Variants in GIT2 observed in about 807,000 individuals in gnomAD.
The protein encoded by GIT2 is ARF GTPase-activating protein GIT2.
In GIT2, 32 loss-of-function variants were observed where a neutral mutation model predicts 100.3. The observed-to-expected ratio is 0.32, with a 90% CI of 0.24 to 0.43. GIT2 has a LOEUF of 0.43. Ranked by LOEUF, GIT2 falls within the 20% of genes least tolerant of loss-of-function variation. The pLI, the probability that GIT2 is intolerant of heterozygous loss-of-function variation, is 1.00. For synonymous variants in GIT2, 353 were observed against 364.1 expected (o/e 0.97, Z 0.35); for missense variants, 737 against 975.1 (o/e 0.76, Z 3.25).
In GIT2 at chr12:109,983,492, G is replaced by A; in HGVS notation, c.504C>T (p.Asn168=). 1.9e-6 allele frequency: 3 copies of A among 1,613,644 alleles called. No individual in the cohort carries two copies. The highest frequency in any genetic ancestry group is 1.7e-6 in the Non-Finnish European group (2 of 1,179,640). The change falls in exon 6 of 20, where the codon AAC becomes AAT. Residue 168 remains asparagine (N), a synonymous_variant. Transcript: ENST00000355312. ...QANFFHPEKG[N]TPLHVASKAG... ...CTTTGGAGGCAACATGGAGTGGGGT[G>A]TTTCCTTTTTCCTAAGAATCATTAA...
Position 109,953,278 on chromosome 12 carries a change from G to C in GIT2, c.1100-44C>G, listed in dbSNP as rs866561101. The C allele has an allele frequency of 3.1e-6, 5 of 1,596,036 alleles. No homozygotes were observed. In the African/African-American group the frequency reaches 5.4e-5, roughly 17 times the overall value. On this transcript the variant is annotated intron_variant, in intron 12 of 19. Transcript: ENST00000355312. The stretch of plus-strand genomic sequence containing the variant: ...AACTTTACTTCAGGCTTAAAACATT[G>C]CTTTTCTTCCAAAAAACTACGGAGA...
At chr12:109,994,276 T>C (rs1202322440) in intron 1 of GIT2, among the ~76,000 whole-genome samples, 1 of 152,178 alleles carries the variant, frequency 6.6e-6, no homozygotes, top group East Asian at 1.9e-4. Flanking sequence ...TAAAAATGTT[T>C]GTATGAATGA....
chr12:109,936,590 A>G (rs1203916675), intron 18 of GIT2, among the ~76,000 whole-genome samples: 1 of 152,194 alleles, frequency 6.6e-6, no homozygotes, highest in Non-Finnish European at 1.5e-5. Flanking sequence ...AACTTTGGCC[A>G]AGCACGGTGG....
chr12:109,934,478 T>G lies in GIT2; in HGVS notation c.2004-393A>C, dbSNP rs187404948. ...AGTGAAAAATAAAGGACTGAAAAAA[T>G]TCCTTAAAATTAGAATTGGAGTCTC... On this transcript the variant is annotated intron_variant, in intron 18 of 19. Coordinates refer to ENST00000355312, the MANE Select transcript of GIT2 (RefSeq NM_057169.5). This position sits in a 1 kb window ranked among gnomAD's most constrained non-coding sequence, Gnocchi z 4.5. 1.3e-5 allele frequency among the ~76,000 whole-genome samples: 2 copies of G among 152,156 alleles called. No homozygotes were observed. Among genetic ancestry groups the G allele is most frequent in the African/African-American group, 4.8e-5 (2 of 41,434 alleles).
intron 9 of GIT2, among the ~76,000 whole-genome samples, chr12:109,964,834 G>A (rs996871897): frequency 5.3e-5 from 8 of 152,102 alleles, no homozygotes; most frequent in South Asian, 2.1e-4. Context: ...GAAGTGCCCC[G>A]GTGAGGCTTC....
intron 8 of GIT2, chr12:109,967,230 A>G: frequency 1.1e-6 from 1 of 896,050 alleles, no homozygotes; most frequent in South Asian, 1.5e-5. Context: ...AAACAGTGAC[A>G]ATATCACTGG....
intron 3 of GIT2, 92 bp downstream of exon 3, chr12:109,989,598 C>A: frequency 1.4e-6 from 1 of 716,132 alleles, no homozygotes; most frequent in South Asian, 1.6e-5. Context: ...CCTCTGCTGC[C>A]CTTGCGGAGA....
intron 7 of GIT2, among the ~76,000 whole-genome samples, chr12:109,975,640 G>A (rs1593098614): frequency 6.6e-6 from 1 of 151,472 alleles, no homozygotes; most frequent in Non-Finnish European, 1.5e-5. Flanking sequence ...TTTTCTATTT[G>A]GTCCTTAGTT....
At chr12:109,961,174 A>T in intron 11 of GIT2, 104 bp downstream of exon 11, 1 of 685,880 alleles carries the variant, frequency 1.5e-6, no homozygotes, top group African/African-American at 1.8e-5. Context: ...AAAGGATATT[A>T]AATTTTAATC....
Position 109,983,385 on chromosome 12 carries a change from A to G in GIT2, c.611T>C (p.Val204Ala), listed in dbSNP as rs749805369. 6.2e-7 allele frequency: 1 copy of G among 1,613,640 alleles called. No individual in the cohort carries two copies. Among genetic ancestry groups the G allele is most frequent in the Non-Finnish European group, 8.5e-7 (1 of 1,179,784 alleles). ...CTAGGTCTCTTACCTTGCATAATCAACGGGAGTTTTCCCACTAGAATCCTG... is the reference window on the plus strand; with the variant it reads ...CTAGGTCTCTTACCTTGCATAATCAGCGGGAGTTTTCCCACTAGAATCCTG... ...GTQDSSGKTP[V>A]DYARQGGHHE... Residue 204 changes from valine (V) to alanine (A), a missense_variant, in exon 6 of 20, where the codon GTT (valine) becomes GCT (alanine). Physicochemically the swap from Val to Ala is moderately conservative, Grantham distance 64. Coordinates refer to ENST00000355312, the MANE Select transcript of GIT2 (RefSeq NM_057169.5).
At chr12:109,942,891 T>G (rs1875199951) in intron 16 of GIT2, 1 of 152,222 alleles carries the variant, frequency 6.6e-6, no homozygotes, top group Non-Finnish European at 1.5e-5. Flanking sequence ...ATGTACAGAA[T>G]TTCAGTGTAG....
chr12:109,948,573 C>T lies in GIT2; in HGVS notation c.1393-1069G>A, dbSNP rs1397745513. ...CGCAGGGTCCTTCCCTTCTGGTGCG[C>T]CTTCATCTTCCATGGACATTCTATA... On this transcript the variant is annotated intron_variant, in intron 14 of 19. Transcript: ENST00000355312. The surrounding 1 kb of genome is among the most constrained non-coding windows in gnomAD (Gnocchi z 4.3). 2.9e-6 allele frequency: 4 copies of T among 1,381,946 alleles called. No individual in the cohort carries two copies. The Admixed American group carries it at 1.1e-4, about 37-fold the overall frequency. 85.6% of individuals were successfully genotyped at this position (1,381,946 alleles called of 1,614,324 possible). A position where few individuals can be genotyped will look rare whatever the true frequency, so the allele number is the denominator to read the frequency against.
rs976659718 is a variant in GIT2, at chr12:109,947,084, C to T, written c.1641+172G>A. The stretch of plus-strand genomic sequence containing the variant: ...AACCATCAGCCCATGGCCCTGTGTG[C>T]TTGTGGGAATATCGCAAGCATCTGT... On this transcript the variant is annotated intron_variant, in intron 15 of 19. Transcript: ENST00000355312. This position sits in a 1 kb window ranked among gnomAD's most constrained non-coding sequence, Gnocchi z 4.3. 1.3e-5 allele frequency among the ~76,000 whole-genome samples: 2 copies of T among 152,138 alleles called. No individual in the cohort carries two copies. The highest frequency in any genetic ancestry group is 1.3e-4 in the Admixed American group (2 of 15,272).
chr12:109,939,958 T>C (rs1874217288), intron 16 of GIT2: 1 of 152,130 alleles, frequency 6.6e-6, no homozygotes, highest in African/African-American at 2.4e-5. Context: ...CTTCAGATTA[T>C]CTCATTGAGC....
chr12:109,967,620 G>A (rs1882828596), intron 7 of GIT2, 117 bp from the exon 8 acceptor site: 6 of 742,432 alleles, frequency 8.1e-6, no homozygotes, highest in East Asian at 2.6e-5. Context: ...GCATAATGAC[G>A]AGTCATGTTG....
intron 5 of GIT2, 31 bp from the exon 6 acceptor site, chr12:109,983,534 G>A (rs1434787417): frequency 6.2e-7 from 1 of 1,609,344 alleles, no homozygotes; most frequent in East Asian, 2.2e-5. Context: ...GTAGGCAAAA[G>A]AGCACATTAA....
rs1204366292 is a variant in GIT2, at chr12:109,934,722, T to C, written c.2004-637A>G. Among the ~76,000 whole-genome samples, 37 of 152,180 alleles carry C rather than the reference T, an allele frequency of 2.4e-4. No homozygotes were observed. The highest frequency in any genetic ancestry group is 2.4e-3 in the Admixed American group (37 of 15,276). On this transcript the variant is annotated intron_variant, in intron 18 of 19. Coordinates refer to ENST00000355312, the MANE Select transcript of GIT2 (RefSeq NM_057169.5). The surrounding 1 kb of genome is among the most constrained non-coding windows in gnomAD (Gnocchi z 4.5). Reference sequence around the variant, plus strand: ...ACCATGAAGTTGGCTTCTGAATAGATTGTCATAAGCAACTTATGCACTTCA... The same window carrying C: ...ACCATGAAGTTGGCTTCTGAATAGACTGTCATAAGCAACTTATGCACTTCA...
chr12:109,961,717 A>T, intron 9 of GIT2, 32 bp from the exon 10 acceptor site: 2 of 1,253,028 alleles, frequency 1.6e-6, no homozygotes, highest in Non-Finnish European at 2.3e-6. Flanking sequence ...AACACAAGGG[A>T]CAATGATTAA....
chr12:109,986,637 C>T (rs1887436886), intron 4 of GIT2, among the ~76,000 whole-genome samples: 2 of 152,126 alleles, frequency 1.3e-5, no homozygotes, highest in African/African-American at 2.4e-5. Context: ...TGGTGGCGGA[C>T]GCCTGTAGTC....
Sources: allele counts gnomAD v4.1 joint callset (sites outside exome capture counted in the v4.1 genomes callset), GRCh38; gene constraint gnomAD v4.1.1; non-coding constraint Gnocchi (gnomAD v3.1); transcripts MANE v1.5; gene names NCBI Gene and HGNC (gene_info 2026-07-23, HGNC 2026-07-21).